NVL: variants seen among roughly 807,000 people sequenced by gnomAD.
NVL encodes the protein nuclear valosin-containing protein-like.
A neutral mutation model predicts 110.2 loss-of-function variants in NVL; 84 were observed. That is an observed-to-expected ratio of 0.76 (90% CI 0.64 to 0.91). The LOEUF is 0.91. NVL is among the 40% of genes least tolerant of loss of function. The pLI, the probability that NVL is intolerant of heterozygous loss-of-function variation, is 0.00. For synonymous variants in NVL, 354 were observed against 361.1 expected (o/e 0.98, Z 0.22); for missense variants, 882 against 1,035.9 (o/e 0.85, Z 2.04).
chr1:224,286,825 G>C (rs1225079718), intron 14 of NVL, among the ~76,000 whole-genome samples: 1 of 152,098 alleles, frequency 6.6e-6, no homozygotes, highest in Non-Finnish European at 1.5e-5. Flanking sequence ...TCTTTCAGTA[G>C]TACATACCTC....
intron 1 of NVL, among the ~76,000 whole-genome samples, chr1:224,327,624 G>GA (rs1009619380): frequency 8.6e-5 from 13 of 151,638 alleles, no homozygotes; most frequent in African/African-American, 2.9e-4. Context: ...TCCAAAACCT[G>GA]AAAAAAATCA....
rs1553337362 is a variant in NVL at position 224,317,907 on chromosome 1, C to A, written c.155G>T (p.Arg52Ile). Residue 52 changes from arginine (R) to isoleucine (I), a missense_variant, in exon 3 of 23, where the codon AGA becomes ATA. Around this residue, in one of 4 missense-constraint regions of NVL, gnomAD observed 274 missense variants for 268.4 expected, o/e 1.02. Transcript: ENST00000281701. The stretch of plus-strand genomic sequence containing the variant: ...TTCTACCTGAATCCTAAAAGCATTT[C>A]TTTTTCTTCGACCATAGTCTATACT... ...VYSIDYGRRK[R>I]NAFRIQVEKV... 1.3e-6 allele frequency: 2 copies of A among 1,598,744 alleles called. No individual in the cohort carries two copies. The highest frequency in any genetic ancestry group is 1.7e-5 in the Admixed American group (1 of 59,210).
intron 2 of NVL, among the ~76,000 whole-genome samples, chr1:224,325,190 A>G (rs2102802060): frequency 6.6e-6 from 1 of 151,672 alleles, no homozygotes; most frequent in South Asian, 2.1e-4. Context: ...TAAACCCAGG[A>G]GGCAGAGCTT....
intron 21 of NVL, 110 bp downstream of exon 21, chr1:224,233,091 C>T (rs533375453): frequency 5.9e-5 from 49 of 826,992 alleles, no homozygotes; most frequent in South Asian, 8.1e-5. Flanking sequence ...ATTAGAAAAA[C>T]GTTAGCTTTA....
intron 1 of NVL, 53 bp from the exon 2 acceptor site, chr1:224,326,517 A>C: frequency 5.0e-6 from 6 of 1,206,362 alleles, no homozygotes; most frequent in Non-Finnish European, 7.3e-6. Flanking sequence ...AAACTCAGTG[A>C]TTTTAATCAA....
At chr1:224,244,060 T>C (rs1441107806) in intron 19 of NVL, among the ~76,000 whole-genome samples, 2 of 151,718 alleles carry the variant, frequency 1.3e-5, no homozygotes, top group East Asian at 3.9e-4. Flanking sequence ...TAAAAGGAAG[T>C]AGAAGTTATG....
intron 11 of NVL, among the ~76,000 whole-genome samples, chr1:224,296,245 T>C (rs746055399): frequency 6.6e-5 from 10 of 152,098 alleles, no homozygotes; most frequent in Non-Finnish European, 1.3e-4. Flanking sequence ...CAAGTGCTAT[T>C]TCTTTTTATT....
rs1408992791 is a variant in NVL at position 224,303,803 on chromosome 1, C to G, written c.880G>C (p.Gly294Arg). 3 of 1,613,598 alleles carry G rather than the reference C, an allele frequency of 1.9e-6. No individual in the cohort carries two copies. Among genetic ancestry groups the G allele is most frequent in the African/African-American group, 2.7e-5 (2 of 74,932 alleles). Reference sequence around the variant, plus strand: ...AGAACTCCACGAGGGGGCACGACGCCCAGGTGGTGGTACACCTCCGGGTGA... The same window carrying G: ...AGAACTCCACGAGGGGGCACGACGCGCAGGTGGTGGTACACCTCCGGGTGA... ...MRHPEVYHHLGVVPPRGVLLH... is the reference protein window; with the variant it reads ...MRHPEVYHHLRVVPPRGVLLH... Residue 294 changes from glycine (G) to arginine (R), a missense_variant, in exon 9 of 23, where the codon GGC (glycine) becomes CGC (arginine). By Grantham distance (125) the Gly-to-Arg change is moderately radical. Around this residue, in one of 4 missense-constraint regions of NVL, gnomAD observed 416 missense variants for 499.3 expected, o/e 0.83. Coordinates refer to ENST00000281701, the MANE Select transcript of NVL (RefSeq NM_002533.4).
intron 17 of NVL, among the ~76,000 whole-genome samples, chr1:224,274,359 G>C (rs1465268468): frequency 6.6e-6 from 1 of 151,994 alleles, no homozygotes; most frequent in Non-Finnish European, 1.5e-5. Flanking sequence ...TTGTGGCCAG[G>C]CATGGTGGCT....
At chr1:224,311,978 T>C in intron 4 of NVL, 121 bp from the exon 5 acceptor site, 1 of 704,398 alleles carries the variant, frequency 1.4e-6, no homozygotes, top group Non-Finnish European at 2.4e-6. Flanking sequence ...GTCCAAACTC[T>C]GGAATCAGAG....
intron 9 of NVL, chr1:224,303,137 A>C (rs761343153): frequency 2.6e-4 from 44 of 171,410 alleles, no homozygotes; most frequent in Admixed American, 5.1e-4. Flanking sequence ...AGGTTTGTTT[A>C]AAACCGTATT....
chr1:224,260,182 C>T lies in NVL; in HGVS notation c.2182+7852G>A, dbSNP rs566737133. Among the ~76,000 whole-genome samples, 13 of 152,348 alleles carry T rather than the reference C, an allele frequency of 8.5e-5. No individual in the cohort carries two copies. In the South Asian group the frequency reaches 1.4e-3, roughly 17 times the overall value. ...CAGACTAGATGTGTAAGGAAACACT[C>T]TATTTAGCTTGGAACTTCAGTGGTA... On this transcript the variant is annotated intron_variant, in intron 18 of 22. Coordinates refer to ENST00000281701, the MANE Select transcript of NVL (RefSeq NM_002533.4).
chr1:224,299,672 C>T (rs920306910), intron 10 of NVL, among the ~76,000 whole-genome samples: 1 of 152,186 alleles, frequency 6.6e-6, no homozygotes, highest in Non-Finnish European at 1.5e-5. Flanking sequence ...GAATCCACCG[C>T]GTTTTGGAAA....
At chr1:224,276,064 A>G (rs16845878) in intron 16 of NVL, among the ~76,000 whole-genome samples, 8,498 of 152,282 alleles carry the variant, frequency 0.056, 741 homozygotes, top group African/African-American at 0.18. Flanking sequence ...CAACTATAAC[A>G]TTAGGACTAA....
chr1:224,250,542 T>G (rs954942307), intron 18 of NVL, among the ~76,000 whole-genome samples: 1 of 152,040 alleles, frequency 6.6e-6, no homozygotes, highest in African/African-American at 2.4e-5. Context: ...TTTTTTTTCT[T>G]TTACTTACTT....
intron 18 of NVL, among the ~76,000 whole-genome samples, chr1:224,257,932 G>A (rs1663478716): frequency 6.6e-6 from 1 of 152,082 alleles, no homozygotes. Flanking sequence ...AGACCTAAAT[G>A]TAAGAGCTAA....
intron 5 of NVL, among the ~76,000 whole-genome samples, chr1:224,309,373 C>G (rs1268769479): frequency 1.3e-5 from 2 of 151,828 alleles, no homozygotes; most frequent in South Asian, 4.2e-4. Context: ...TTAAAATTTA[C>G]CCAGGCATGG....
intron 9 of NVL, 57 bp from the exon 10 acceptor site, chr1:224,300,720 T>C (rs1668314549): frequency 7.6e-7 from 1 of 1,323,264 alleles, no homozygotes; most frequent in Non-Finnish European, 1.1e-6. Context: ...CCCTACTTTT[T>C]CTTATCCAGT....
chr1:224,264,647 T>C lies in NVL; in HGVS notation c.2182+3387A>G, dbSNP rs186452105. Among the ~76,000 whole-genome samples the C allele has an allele frequency of 2.0e-5, 3 of 152,296 alleles. No homozygotes were observed. The East Asian group carries it at 5.8e-4, about 29-fold the overall frequency. ...AATTCTTAAAGCTAAGCAGAGAAGT[T>C]ATAAGCAATCAAAACAATGTCACGT... On this transcript the variant is annotated intron_variant, in intron 18 of 22. Coordinates refer to ENST00000281701, the MANE Select transcript of NVL (RefSeq NM_002533.4).
Sources: gnomAD v4.1 joint callset for allele counts (sites outside exome capture counted in the v4.1 genomes callset) on GRCh38, gnomAD v4.1.1 for gene constraint, gnomAD v4.1.1 regional missense constraint, MANE v1.5 for transcripts, NCBI Gene and HGNC (gene_info 2026-07-23, HGNC 2026-07-21) for gene names.